RANBP2: variants seen among roughly 807,000 people sequenced by gnomAD.
RANBP2 encodes E3 SUMO-protein ligase RanBP2.
In RANBP2, 57 loss-of-function variants were observed where a neutral mutation model predicts 303.6. The observed-to-expected ratio is 0.19, with a 90% CI of 0.15 to 0.23. The LOEUF (loss-of-function observed/expected upper bound fraction) is 0.23, where lower values mean the gene tolerates loss of function less well. Ranked by LOEUF, RANBP2 falls within the 10% of genes least tolerant of loss-of-function variation. RANBP2 has a pLI of 1.00. For missense variants in RANBP2, 3,138 were observed against 3,780.8 expected, an observed-to-expected ratio of 0.83 and a Z score of 4.46; for synonymous variants, 1,167 against 1,301.5, an observed-to-expected ratio of 0.90 and a Z score of 2.23.
At chr2:109,615,747 C>G in the RANBP2 span, 8 of 1,613,932 alleles carry the variant, frequency 5.0e-6, no homozygotes, top group South Asian at 1.1e-5. Flanking sequence ...AAAGGTGCTT[C>G]CCTCGCATCT....
the RANBP2 span, among the ~76,000 whole-genome samples, chr2:109,015,118 C>CAAAAAAAAAAAAA: frequency 1.5e-4 from 10 of 68,810 alleles, no homozygotes; most frequent in Admixed American, 2.3e-4. Context: ...GACTCCATCT[C>CAAAAAAAAAAAAA]AAAAAAAAAA....
the RANBP2 span, among the ~76,000 whole-genome samples, chr2:109,524,308 C>T: frequency 3.3e-4 from 50 of 152,156 alleles, 1 homozygote; most frequent in African/African-American, 1.2e-3. Flanking sequence ...TCACACGCTG[C>T]CCACTGTCAC....
chr2:109,294,287 T>G, the RANBP2 span, among the ~76,000 whole-genome samples: 2 of 152,152 alleles, frequency 1.3e-5, no homozygotes. Flanking sequence ...CTGTGCCGTG[T>G]GCGGTGGTCA....
chr2:109,170,272 CTCTTCTCTTCTCTTCTCTTCTCTT>C, the RANBP2 span, among the ~76,000 whole-genome samples: 41 of 99,754 alleles, frequency 4.1e-4, no homozygotes, highest in Non-Finnish European at 4.9e-4. Context: ...CTCTTCTCTT[CTCTTCTCTTCTCTTCTCTTCTCTT>C]CTCTTCTCTT....
At chr2:109,438,002 A>G in the RANBP2 span, among the ~76,000 whole-genome samples, 2 of 152,198 alleles carry the variant, frequency 1.3e-5, no homozygotes, top group Admixed American at 1.3e-4. Flanking sequence ...CTCAGAAATC[A>G]TCTGTTTTTC....
At chr2:109,439,645 A>G in the RANBP2 span, among the ~76,000 whole-genome samples, 1 of 151,934 alleles carries the variant, frequency 6.6e-6, no homozygotes, top group South Asian at 2.1e-4. Context: ...AAGGCAGAGC[A>G]CCCCCTGTAA....
the RANBP2 span, among the ~76,000 whole-genome samples, chr2:109,732,223 G>C: frequency 6.6e-6 from 1 of 151,968 alleles, no homozygotes; most frequent in African/African-American, 2.4e-5. Context: ...TTAATTGCAG[G>C]CCTAGATCCT....
chr2:109,471,713 C>G, the RANBP2 span, among the ~76,000 whole-genome samples: 2 of 152,204 alleles, frequency 1.3e-5, no homozygotes, highest in African/African-American at 4.8e-5. Context: ...CCACTCACCC[C>G]CTTGCTGTCT....
At chr2:109,004,258 T>TG in the RANBP2 span, among the ~76,000 whole-genome samples, 1 of 152,178 alleles carries the variant, frequency 6.6e-6, no homozygotes, top group Non-Finnish European at 1.5e-5. Context: ...CCTCACGTGC[T>TG]GTGGGTGTGA....
chr2:109,715,774 G>A, the RANBP2 span, among the ~76,000 whole-genome samples: 1 of 152,162 alleles, frequency 6.6e-6, no homozygotes, highest in African/African-American at 2.4e-5. Flanking sequence ...TGGTTCACCT[G>A]GCAGCCAGCC....
At chr2:109,315,641 G>A in the RANBP2 span, among the ~76,000 whole-genome samples, 29 of 152,358 alleles carry the variant, frequency 1.9e-4, no homozygotes, top group East Asian at 4.8e-3. Flanking sequence ...GAGAAGAGAC[G>A]CCTGTGCAGG....
the RANBP2 span, among the ~76,000 whole-genome samples, chr2:109,068,911 A>G: frequency 3.3e-5 from 5 of 152,184 alleles, no homozygotes; most frequent in African/African-American, 4.8e-5. Flanking sequence ...GGAAAAACCA[A>G]TTGATTTTAC....
chr2:109,501,087 G>A, the RANBP2 span, among the ~76,000 whole-genome samples: 2 of 152,182 alleles, frequency 1.3e-5, no homozygotes, highest in African/African-American at 4.8e-5. Context: ...GTGAGGACAC[G>A]AGCCCAGGGT....
chr2:109,346,098 C>T, the RANBP2 span, among the ~76,000 whole-genome samples: 91 of 152,314 alleles, frequency 6.0e-4, no homozygotes, highest in African/African-American at 2.1e-3. Flanking sequence ...CCCTTGCCTC[C>T]GCTCTCTAAA....
At chr2:109,564,320 C>A in the RANBP2 span, 3 of 1,444,164 alleles carry the variant, frequency 2.1e-6, no homozygotes, top group Middle Eastern at 2.5e-4. Flanking sequence ...ATATGCAATC[C>A]TCTCTAACTT....
chr2:109,214,650 G>C, the RANBP2 span, among the ~76,000 whole-genome samples: 1 of 152,110 alleles, frequency 6.6e-6, no homozygotes, highest in Non-Finnish European at 1.5e-5. Context: ...GTCTCTGCCT[G>C]ACACTCTTGC....
the RANBP2 span, among the ~76,000 whole-genome samples, chr2:109,381,556 C>T: frequency 2.6e-5 from 4 of 152,156 alleles, no homozygotes; most frequent in East Asian, 7.8e-4. Flanking sequence ...AGCTTCCAGT[C>T]CCCCGGGCTT....
At chr2:109,694,801 ATG>A in the RANBP2 span, among the ~76,000 whole-genome samples, 8,127 of 146,248 alleles carry the variant, frequency 0.056, 274 homozygotes, top group African/African-American at 0.098. Context: ...ATCCATAGGG[ATG>A]TGTGTGTGTG....
intron 7 of RANBP2, among the ~76,000 whole-genome samples, chr2:108,741,721 C>T (rs1364820646): frequency 2.0e-5 from 3 of 149,432 alleles, no homozygotes; most frequent in African/African-American, 4.9e-5. Flanking sequence ...ACTGTGTTAG[C>T]CAGGATGGTC....
Sources: gnomAD v4.1 joint callset for allele counts (sites outside exome capture counted in the v4.1 genomes callset) on GRCh38, gnomAD v4.1.1 for gene constraint, MANE v1.5 for transcripts, NCBI Gene and HGNC (gene_info 2026-07-23, HGNC 2026-07-21) for gene names.